The following NLRC5 variants were observed in gnomAD, a reference collection of about 807,000 sequenced individuals.
NLRC5 encodes protein NLRC5.
Under a neutral mutation model 206.9 loss-of-function variants are expected in NLRC5, and 114 were observed. The ratio of observed to expected loss-of-function variants is 0.55; its 90% confidence interval spans 0.47 to 0.64. NLRC5 has a LOEUF of 0.64. Among genes scored for constraint, NLRC5 ranks in the 30% least tolerant of loss-of-function variants. The probability of loss-of-function intolerance (pLI) is 0.00; values close to 1 mark genes in which losing one functional copy is unlikely to be tolerated. For synonymous variants in NLRC5, 952 were observed against 962.8 expected (o/e 0.99, Z 0.21); for missense variants, 2,008 against 2,305.5 (o/e 0.87, Z 2.64).
At chr16:57,002,282 G>T (rs1435174629) in intron 1 of NLRC5, among the ~76,000 whole-genome samples, 2 of 152,222 alleles carry the variant, frequency 1.3e-5, no homozygotes, top group African/African-American at 2.4e-5. Flanking sequence ...CAAGTAGCTG[G>T]GATTACAGGC....
intron 1 of NLRC5, chr16:57,004,461 G>A (rs2058679541): frequency 6.6e-6 from 1 of 152,460 alleles, no homozygotes; most frequent in Admixed American, 6.5e-5. Context: ...ATATGTAGCT[G>A]CTTTGTGGTG....
intron 37 of NLRC5, 72 bp downstream of exon 37, chr16:57,069,991 C>A: frequency 2.3e-6 from 3 of 1,280,582 alleles, no homozygotes; most frequent in Non-Finnish European, 3.3e-6. Flanking sequence ...GAGAGCAGGG[C>A]GTTTGGGAGG....
intron 1 of NLRC5, among the ~76,000 whole-genome samples, chr16:57,005,281 C>G (rs1315225651): frequency 6.6e-6 from 1 of 152,084 alleles, no homozygotes; most frequent in African/African-American, 2.4e-5. Flanking sequence ...ATAAAAACTA[C>G]TAGCTATGCA....
chr16:57,070,436 C>A (rs933019777), intron 37 of NLRC5, 99 bp from the exon 38 acceptor site: 4 of 1,056,332 alleles, frequency 3.8e-6, no homozygotes, highest in Non-Finnish European at 5.7e-6. Context: ...CAGAGTTGGC[C>A]TCCCAGGGGA....
chr16:57,059,026 G>A lies in NLRC5; in HGVS notation c.3885G>A (p.Leu1295=), dbSNP rs1429644871. The change falls in exon 29 of 49, where the codon CTG becomes CTA. Residue 1295 remains leucine (L), a synonymous_variant. Coordinates refer to ENST00000688547, the MANE Select transcript of NLRC5 (RefSeq NM_001384950.1). ...GTGCCCTGTACCTGCTGGAGACACT[G>A]CCCTCCTGCCCACGTGTCCGGGAGG... ...QESALYLLET[L]PSCPRVREAS... 2 of 1,614,108 alleles carry A rather than the reference G, an allele frequency of 1.2e-6. No individual in the cohort carries two copies. The highest frequency in any genetic ancestry group is 1.7e-6 in the Non-Finnish European group (2 of 1,180,004).
intron 20 of NLRC5, chr16:57,045,169 T>G: frequency 2.4e-6 from 1 of 414,842 alleles, no homozygotes; most frequent in East Asian, 5.2e-5. Context: ...ACTGCACCAC[T>G]GCACACCAGC....
chr16:57,040,841 TC>T, intron 17 of NLRC5, 123 bp downstream of exon 17: 2 of 918,608 alleles, frequency 2.2e-6, no homozygotes, highest in Non-Finnish European at 3.4e-6. Context: ...ACCTGCTGTG[TC>T]CAGGGGTCAT....
At chr16:56,998,608 G>A (rs891371825) in intron 1 of NLRC5, among the ~76,000 whole-genome samples, 4 of 152,136 alleles carry the variant, frequency 2.6e-5, no homozygotes, top group African/African-American at 7.2e-5. Flanking sequence ...CCAAATCTAG[G>A]CAGCCTTGCT....
Position 57,071,073 on chromosome 16 carries a change from A to T in NLRC5, c.4667+455A>T, listed in dbSNP as rs80003733. 5.5e-3 allele frequency among the ~76,000 whole-genome samples: 351 copies of T among 63,332 alleles called. 49 individuals carry two copies. The highest frequency in any genetic ancestry group is 0.015 in the East Asian group (20 of 1,304). The allele number at this position is 63,332 out of a possible 152,430, so 41.5% of individuals were successfully genotyped here. On this transcript the variant is annotated intron_variant, in intron 38 of 48. Transcript: ENST00000688547. ...GTGGTGATGGTGGTTAATGGGGAAGAGTTGTGAGTGAGTGGTGTTGGTGGT... is the reference window on the plus strand; with the variant it reads ...GTGGTGATGGTGGTTAATGGGGAAGTGTTGTGAGTGAGTGGTGTTGGTGGT...
rs1363687901 is a variant in NLRC5, at chr16:57,026,126, A to G, written c.1183A>G (p.Thr395Ala). 3.1e-6 allele frequency: 5 copies of G among 1,614,116 alleles called. No individual in the cohort carries two copies. The change falls in exon 6 of 49, where the codon ACA becomes GCA. Residue 395 changes from threonine (T) to alanine (A), a missense_variant. By Grantham distance (58) the Thr-to-Ala change is moderately conservative. Coordinates refer to ENST00000688547, the MANE Select transcript of NLRC5 (RefSeq NM_001384950.1). ...GGAGGGGGCCCTGGTGGAGTTACAGACAAATGGACGTCTCCGAAGCCTGTG... is the reference window on the plus strand; with the variant it reads ...GGAGGGGGCCCTGGTGGAGTTACAGGCAAATGGACGTCTCCGAAGCCTGTG... ...SREGALVELQTNGRLRSLCAV... is the reference protein window; with the variant it reads ...SREGALVELQANGRLRSLCAV...
intron 29 of NLRC5, 41 bp downstream of exon 29, chr16:57,059,102 C>A: frequency 6.2e-7 from 1 of 1,612,978 alleles, no homozygotes; most frequent in Non-Finnish European, 8.5e-7. Context: ...TTTCTGCTGG[C>A]CAACAGGTGC....
intron 5 of NLRC5, among the ~76,000 whole-genome samples, chr16:57,024,579 G>T (rs1029911713): frequency 2.0e-5 from 3 of 152,204 alleles, no homozygotes; most frequent in African/African-American, 7.2e-5. Context: ...CACTGTAGGG[G>T]CCCAGCTCCC....
intron 3 of NLRC5, 149 bp downstream of exon 3, chr16:57,021,156 A>T (rs2060627955): frequency 2.9e-6 from 2 of 696,090 alleles, no homozygotes; most frequent in East Asian, 5.5e-5. Flanking sequence ...TCCCAGAACA[A>T]ATTTCCTAAT....
intron 28 of NLRC5, chr16:57,058,561 G>A (rs2065990606): frequency 3.2e-6 from 1 of 314,330 alleles, no homozygotes; most frequent in South Asian, 4.0e-5. Context: ...GGCAGGCAAG[G>A]GGCCTTAGGA....
At chr16:57,065,612 A>G (rs760652568) in intron 33 of NLRC5, among the ~76,000 whole-genome samples, 11 of 152,174 alleles carry the variant, frequency 7.2e-5, no homozygotes, top group Non-Finnish European at 1.2e-4. Flanking sequence ...AACACACATT[A>G]TGGCTCTTCA....
chr16:57,000,274 C>T (rs1428348599), intron 1 of NLRC5, among the ~76,000 whole-genome samples: 2 of 152,134 alleles, frequency 1.3e-5, no homozygotes, highest in Admixed American at 1.3e-4. Context: ...AGTAGGGCAC[C>T]CCAGTCCTGG....
rs767253620 is a variant in NLRC5 at position 57,076,900 on chromosome 16, G to A, written c.4833G>A (p.Leu1611=). 3.1e-6 allele frequency: 5 copies of A among 1,613,628 alleles called. No homozygotes were observed. Among genetic ancestry groups the A allele is most frequent in the African/African-American group, 2.7e-5 (2 of 74,914 alleles). ...ALRAATSLEE[L]DLSHNQIGDA... Reference sequence around the variant, plus strand: ...GGGCTGCCACCAGCCTAGAGGAGCTGGAGTGAGTTGCCCATTCTGCCCCCA... The same window carrying A: ...GGGCTGCCACCAGCCTAGAGGAGCTAGAGTGAGTTGCCCATTCTGCCCCCA... Residue 1611 remains leucine, a splice_region_variant and synonymous_variant, in exon 40 of 49, where the codon CTG becomes CTA. Transcript: ENST00000688547.
chr16:56,990,208 A>G (rs1172245943), intron 1 of NLRC5, among the ~76,000 whole-genome samples: 4 of 152,054 alleles, frequency 2.6e-5, no homozygotes, highest in Admixed American at 6.5e-5. Flanking sequence ...TCACGACCCC[A>G]AGGCCACCTA....
chr16:57,066,489 G>A lies in NLRC5; in HGVS notation c.4242-45G>A, dbSNP rs188134690. On this transcript the variant is annotated intron_variant, in intron 33 of 48. Coordinates refer to ENST00000688547, the MANE Select transcript of NLRC5 (RefSeq NM_001384950.1). The stretch of plus-strand genomic sequence containing the variant: ...AGCCCAGGTGCCAGCTAGGCCCTCC[G>A]GGGAAGGCTGCCCGACCTCACGTTG... 3.9e-4 allele frequency: 618 copies of A among 1,580,528 alleles called. 3 individuals carry two copies. In the African/African-American group the frequency reaches 6.0e-3, roughly 15 times the overall value.
Sources: gnomAD v4.1 joint callset for allele counts (sites outside exome capture counted in the v4.1 genomes callset) on GRCh38, gnomAD v4.1.1 for gene constraint, MANE v1.5 for transcripts, NCBI Gene and HGNC (gene_info 2026-07-23, HGNC 2026-07-21) for gene names.